KCNIP4: variants seen among roughly 807,000 people sequenced by gnomAD.
KCNIP4 encodes Kv channel-interacting protein 4.
KCNIP4 carries 12 observed loss-of-function variants against 34.0 expected under a neutral mutation model. The ratio of observed to expected loss-of-function variants is 0.35; its 90% CI spans 0.23 to 0.57. KCNIP4 has a LOEUF of 0.57. Ranked by LOEUF, KCNIP4 falls within the 20% of genes least tolerant of loss-of-function variation. KCNIP4 has a pLI of 0.83. For missense variants in KCNIP4, 238 were observed against 311.7 expected, an observed-to-expected ratio of 0.76 and a Z score of 1.78; for synonymous variants, 124 against 102.2, an observed-to-expected ratio of 1.21 and a Z score of -1.29.
chr4:21,119,646 T>C (rs2109129945), intron 1 of KCNIP4, among the ~76,000 whole-genome samples: 1 of 152,116 alleles, frequency 6.6e-6, no homozygotes, highest in South Asian at 2.1e-4. Flanking sequence ...CTAATGTACA[T>C]TTTTAAATCA....
intron 1 of KCNIP4, among the ~76,000 whole-genome samples, chr4:20,929,946 CA>C (rs1388173946): frequency 7.3e-5 from 11 of 151,494 alleles, no homozygotes; most frequent in African/African-American, 2.7e-4. Flanking sequence ...CTGTATTAAC[CA>C]AAGCAATATA....
intron 2 of KCNIP4, among the ~76,000 whole-genome samples, chr4:20,853,476 T>G (rs1721254449): frequency 6.6e-6 from 1 of 152,188 alleles, no homozygotes; most frequent in African/African-American, 2.4e-5. Flanking sequence ...TCTCTCACCT[T>G]ATACAAAAAT....
intron 1 of KCNIP4, among the ~76,000 whole-genome samples, chr4:21,025,558 T>TTTG (rs1438439388): frequency 8.3e-6 from 1 of 120,976 alleles, no homozygotes. Flanking sequence ...TTTTTTTTTT[T>TTTG]TTTTTTTTTT....
Position 21,658,123 on chromosome 4 carries a change from C to A in KCNIP4, c.61+290448G>T, listed in dbSNP as rs141446558. On this transcript the variant is annotated intron_variant, in intron 1 of 8. Coordinates refer to ENST00000382152, the MANE Select transcript of KCNIP4 (RefSeq NM_025221.6). ...AAAGTGCTGCGATTATAGGCGTGAG[C>A]CACCGCTCCCAGCCTAAATGTAATT... Among the ~76,000 whole-genome samples the A allele has an allele frequency of 3.6e-3, 551 of 152,264 alleles. 2 individuals carry two copies. The highest frequency in any genetic ancestry group is 0.013 in the African/African-American group (528 of 41,548).
At chr4:21,308,652 T>C (rs1712759732) in intron 1 of KCNIP4, among the ~76,000 whole-genome samples, 1 of 152,118 alleles carries the variant, frequency 6.6e-6, no homozygotes, top group African/African-American at 2.4e-5. Flanking sequence ...TTTTAAAAGA[T>C]TTCTCGCCCT....
intron 1 of KCNIP4, among the ~76,000 whole-genome samples, chr4:21,405,657 T>A (rs905793827): frequency 1.3e-5 from 2 of 152,134 alleles, no homozygotes; most frequent in African/African-American, 4.8e-5. Flanking sequence ...GCATGACACA[T>A]GGAAGGACCT....
At chr4:21,821,665 A>G (rs989535892) in intron 1 of KCNIP4, among the ~76,000 whole-genome samples, 2 of 152,140 alleles carry the variant, frequency 1.3e-5, no homozygotes, top group African/African-American at 2.4e-5. Flanking sequence ...AAGTAACTCA[A>G]TTTCAGGCTT....
chr4:21,021,468 T>C (rs938537321), intron 1 of KCNIP4, among the ~76,000 whole-genome samples: 6 of 152,354 alleles, frequency 3.9e-5, no homozygotes, highest in Non-Finnish European at 7.3e-5. Flanking sequence ...TTTTGACTCT[T>C]GTAATAACAC....
chr4:20,992,886 G>T (rs1737204960), intron 1 of KCNIP4, among the ~76,000 whole-genome samples: 2 of 151,836 alleles, frequency 1.3e-5, no homozygotes, highest in African/African-American at 4.8e-5. Context: ...AAATCAGCCG[G>T]GCGCGGCGGT....
At chr4:21,034,534 T>C (rs780141105) in intron 1 of KCNIP4, among the ~76,000 whole-genome samples, 6 of 152,178 alleles carry the variant, frequency 3.9e-5, no homozygotes, top group Admixed American at 6.5e-5. Flanking sequence ...TTTCCCCTGG[T>C]CTTCCTTAGC....
At chr4:21,197,189 G>C (rs1327344356) in intron 1 of KCNIP4, among the ~76,000 whole-genome samples, 1 of 151,990 alleles carries the variant, frequency 6.6e-6, no homozygotes, top group Non-Finnish European at 1.5e-5. Flanking sequence ...CTAATATTTG[G>C]TTATTGTGAA....
chr4:20,974,355 C>T (rs1056304926), intron 1 of KCNIP4, among the ~76,000 whole-genome samples: 4 of 152,066 alleles, frequency 2.6e-5, no homozygotes, highest in Admixed American at 2.0e-4. Context: ...TTTGCTGTAC[C>T]ACGTACATCA....
At chr4:20,795,930 A>G (rs1031986128) in intron 3 of KCNIP4, among the ~76,000 whole-genome samples, 3 of 152,302 alleles carry the variant, frequency 2.0e-5, no homozygotes, top group South Asian at 2.1e-4. Flanking sequence ...AGTCTTTAAC[A>G]TCTTATCCAT....
At chr4:20,815,358 C>A (rs1385455057) in intron 3 of KCNIP4, among the ~76,000 whole-genome samples, 1 of 152,080 alleles carries the variant, frequency 6.6e-6, no homozygotes, top group Non-Finnish European at 1.5e-5. Flanking sequence ...AGGCCTGAAC[C>A]CCTGCACCAC....
chr4:21,783,991 C>T (rs1256220543), intron 1 of KCNIP4, among the ~76,000 whole-genome samples: 2 of 152,122 alleles, frequency 1.3e-5, no homozygotes. Flanking sequence ...TTTCACACTG[C>T]TATAAAGATA....
intron 1 of KCNIP4, among the ~76,000 whole-genome samples, chr4:21,835,832 C>T (rs1723284495): frequency 6.6e-6 from 1 of 151,964 alleles, no homozygotes; most frequent in Non-Finnish European, 1.5e-5. Flanking sequence ...ATATTTGATT[C>T]AATACAGTTT....
chr4:21,198,915 G>A (rs544239854), intron 1 of KCNIP4, among the ~76,000 whole-genome samples: 150 of 152,268 alleles, frequency 9.9e-4, no homozygotes, highest in Admixed American at 2.6e-3. Context: ...TATCTGAGGA[G>A]TAAAGTACTG....
chr4:21,222,213 C>G (rs1758028300), intron 1 of KCNIP4, among the ~76,000 whole-genome samples: 1 of 152,082 alleles, frequency 6.6e-6, no homozygotes, highest in South Asian at 2.1e-4. Context: ...CAGATATTTT[C>G]CAGTTTTTGT....
At chr4:21,945,832 A>C (rs188185319) in intron 1 of KCNIP4, among the ~76,000 whole-genome samples, 1 of 151,740 alleles carries the variant, frequency 6.6e-6, no homozygotes, top group African/African-American at 2.4e-5. Flanking sequence ...GAAATGAAAA[A>C]TGTATTTTGG....
Sources: allele counts gnomAD v4.1 joint callset (sites outside exome capture counted in the v4.1 genomes callset), GRCh38; gene constraint gnomAD v4.1.1; transcripts MANE v1.5; gene names NCBI Gene and HGNC (gene_info 2026-07-23, HGNC 2026-07-21).